The following NPLOC4 variants were observed in gnomAD, a reference collection of about 807,000 sequenced individuals.
NPLOC4 encodes the protein nuclear protein localization protein 4 homolog.
Under a neutral mutation model 80.6 loss-of-function variants are expected in NPLOC4, and 18 were observed. The observed-to-expected ratio is 0.22, with a 90% CI of 0.15 to 0.33. The LOEUF (loss-of-function observed/expected upper bound fraction) is 0.33. Among genes scored for constraint, NPLOC4 ranks in the 10% least tolerant of loss-of-function variants. NPLOC4 has a pLI of 1.00. For synonymous variants in NPLOC4, 313 were observed against 301.5 expected (o/e 1.04, Z -0.39); for missense variants, 540 against 786.1 (o/e 0.69, Z 3.74).
At chr17:81,607,243 T>G (rs879567259) in intron 6 of NPLOC4, among the ~76,000 whole-genome samples, 4 of 152,206 alleles carry the variant, frequency 2.6e-5, no homozygotes, top group Non-Finnish European at 4.4e-5. Context: ...TTCTTATTCA[T>G]GGGAAAAATC....
chr17:81,620,609 A>G lies in NPLOC4; in HGVS notation c.209+1557T>C, dbSNP rs6565603. 9.0e-3 allele frequency among the ~76,000 whole-genome samples: 1,369 copies of G among 152,338 alleles called. 31 individuals are homozygous for G. Among genetic ancestry groups the G allele is most frequent in the African/African-American group, 0.032 (1,322 of 41,576 alleles). Reference sequence around the variant, plus strand: ...TGCTTGGTGCTTGCAATGGTGACACATAAGGTTCATCCATCAAGGCATACA... The same window carrying G: ...TGCTTGGTGCTTGCAATGGTGACACGTAAGGTTCATCCATCAAGGCATACA... On this transcript the variant is annotated intron_variant, in intron 3 of 16. Coordinates refer to ENST00000331134, the MANE Select transcript of NPLOC4 (RefSeq NM_017921.4).
At chr17:81,625,366 G>A (rs936995851) in intron 2 of NPLOC4, among the ~76,000 whole-genome samples, 2 of 152,164 alleles carry the variant, frequency 1.3e-5, no homozygotes, top group African/African-American at 2.4e-5. Flanking sequence ...GCAGGTGGGC[G>A]CATCTGTGTC....
At chr17:81,636,765 A>AG (rs1384387954) in intron 1 of NPLOC4, 151 bp downstream of exon 1, 3 of 842,862 alleles carry the variant, frequency 3.6e-6, no homozygotes, top group African/African-American at 3.6e-5. Flanking sequence ...AGTCCCCGAG[A>AG]GGGGCCCAGC....
intron 12 of NPLOC4, among the ~76,000 whole-genome samples, chr17:81,584,487 A>G (rs1457693709): frequency 6.6e-6 from 1 of 152,242 alleles, no homozygotes; most frequent in Non-Finnish European, 1.5e-5. Context: ...ACTCACAGTT[A>G]ATGATAAAAT....
intron 1 of NPLOC4, among the ~76,000 whole-genome samples, chr17:81,630,453 A>C (rs933701892): frequency 6.8e-6 from 1 of 147,384 alleles, no homozygotes; most frequent in Non-Finnish European, 1.5e-5. Context: ...CACCAGGTTA[A>C]TTTTTTTTTT....
chr17:81,613,274 A>G, intron 4 of NPLOC4, 44 bp downstream of exon 4: 1 of 1,541,362 alleles, frequency 6.5e-7, no homozygotes, highest in Non-Finnish European at 8.8e-7. Context: ...TTCACCCATT[A>G]AGATCACCAC....
intron 5 of NPLOC4, 59 bp downstream of exon 5, chr17:81,610,151 C>T: frequency 6.7e-7 from 1 of 1,483,814 alleles, no homozygotes. Context: ...GCACTTAAGA[C>T]AGCTGTCTAC....
intron 2 of NPLOC4, among the ~76,000 whole-genome samples, chr17:81,628,153 G>A (rs1376550382): frequency 6.6e-5 from 10 of 151,112 alleles, no homozygotes; most frequent in Non-Finnish European, 2.9e-5. Flanking sequence ...GGAGCTTGCA[G>A]TGAGCCAAGA....
At position 81,577,427 on chromosome 17, in the gene NPLOC4, C is replaced by A. The variant is rs2034331473; in HGVS notation, c.1282-5339G>T. Among the ~76,000 whole-genome samples, 1 of 151,982 alleles carries A rather than the reference C, an allele frequency of 6.6e-6. No homozygotes were observed. The highest frequency in any genetic ancestry group is 6.6e-5 in the Admixed American group (1 of 15,254). ...CTTCTCCCTCTGAACCACAGCTTGGCTCATCTACTTCCGGGTTAGCTCAAC... is the reference window on the plus strand; with the variant it reads ...CTTCTCCCTCTGAACCACAGCTTGGATCATCTACTTCCGGGTTAGCTCAAC... On this transcript the variant is annotated intron_variant, in intron 12 of 16. Coordinates refer to ENST00000331134, the MANE Select transcript of NPLOC4 (RefSeq NM_017921.4). This position sits in a 1 kb window ranked among gnomAD's most constrained non-coding sequence, Gnocchi z 4.3.
intron 9 of NPLOC4, among the ~76,000 whole-genome samples, chr17:81,597,834 G>A (rs1426804004): frequency 2.0e-5 from 3 of 150,056 alleles, no homozygotes; most frequent in Non-Finnish European, 3.0e-5. Context: ...GGTGGCTCAC[G>A]CCTGTAATTC....
chr17:81,587,163 A>C (rs1357190611), intron 12 of NPLOC4, among the ~76,000 whole-genome samples: 1 of 152,238 alleles, frequency 6.6e-6, no homozygotes, highest in South Asian at 2.1e-4. Context: ...GATATGAGTT[A>C]GTATATAAGA....
intron 1 of NPLOC4, among the ~76,000 whole-genome samples, chr17:81,634,402 G>A (rs751561205): frequency 2.0e-5 from 3 of 151,876 alleles, no homozygotes; most frequent in East Asian, 1.9e-4. Context: ...GACATTCAAC[G>A]AGATCCAATG....
In NPLOC4 at chr17:81,559,388, G is replaced by A. The variant is rs765231711; in HGVS notation, c.1698C>T (p.Leu566=). 8 of 1,610,636 alleles carry A rather than the reference G, an allele frequency of 5.0e-6. No individual in the cohort carries two copies. Among genetic ancestry groups the A allele is most frequent in the East Asian group, 4.5e-5 (2 of 44,778 alleles). Residue 566 remains leucine, a synonymous_variant, in exon 17 of 17, where the codon CTC becomes CTT. Transcript: ENST00000331134. ...CSTVGGQLPG[L]HEYGAVGGST... is the part of the protein sequence containing the mutation. ...AGCCCCCGACGGCGCCGTACTCATGGAGACCTGGGAGCTGCCCGCCAACTG... is the reference window on the plus strand; with the variant it reads ...AGCCCCCGACGGCGCCGTACTCATGAAGACCTGGGAGCTGCCCGCCAACTG...
chr17:81,564,083 AACACACACACACACACACAC>A, intron 16 of NPLOC4: 2 of 273,606 alleles, frequency 7.3e-6, no homozygotes, highest in Non-Finnish European at 1.5e-5. Flanking sequence ...TCCAGCTCAA[AACACACACACACACACACAC>A]ACACACACAC....
intron 16 of NPLOC4, chr17:81,564,876 C>G (rs1202218563): frequency 5.5e-6 from 1 of 181,350 alleles, no homozygotes; most frequent in African/African-American, 2.4e-5. Context: ...TAGCATTTGT[C>G]CAGGGCCGTA....
At chr17:81,569,187 T>A in intron 13 of NPLOC4, 76 bp from the exon 14 acceptor site, 1 of 929,490 alleles carries the variant, frequency 1.1e-6, no homozygotes, top group Non-Finnish European at 1.8e-6. Flanking sequence ...GCCCAGAGCA[T>A]CTCCCAGAGC....
chr17:81,585,385 C>T (rs997147375), intron 12 of NPLOC4, among the ~76,000 whole-genome samples: 1 of 151,888 alleles, frequency 6.6e-6, no homozygotes, highest in African/African-American at 2.4e-5. Flanking sequence ...AAATCAAGGC[C>T]GGGTGTGGTG....
chr17:81,583,561 G>C (rs1390628205), intron 12 of NPLOC4, among the ~76,000 whole-genome samples: 1 of 152,216 alleles, frequency 6.6e-6, no homozygotes, highest in African/African-American at 2.4e-5. Flanking sequence ...GAGGCTGGCT[G>C]GCCCTAGTCC....
At chr17:81,633,570 C>T (rs2035986140) in intron 1 of NPLOC4, among the ~76,000 whole-genome samples, 1 of 152,166 alleles carries the variant, frequency 6.6e-6, no homozygotes, top group Admixed American at 6.5e-5. Flanking sequence ...AAATGAAATA[C>T]ACAGGAAGAG....
Sources: gnomAD v4.1 joint callset for allele counts (sites outside exome capture counted in the v4.1 genomes callset) on GRCh38, gnomAD v4.1.1 for gene constraint, Gnocchi (gnomAD v3.1) non-coding constraint, MANE v1.5 for transcripts, NCBI Gene and HGNC (gene_info 2026-07-23, HGNC 2026-07-21) for gene names.